PRKG1: variants seen among roughly 807,000 people sequenced by gnomAD.
The protein encoded by PRKG1 is cGMP-dependent protein kinase 1.
PRKG1 carries 35 observed loss-of-function variants against 88.1 expected under a neutral mutation model. The observed-to-expected ratio is 0.40, with a 90% confidence interval of 0.30 to 0.53. PRKG1 has a LOEUF of 0.53. PRKG1 is among the 20% of genes least tolerant of loss of function. The pLI is 0.59. For synonymous variants in PRKG1, 303 were observed against 292.5 expected (o/e 1.04, Z -0.37); for missense variants, 540 against 839.8 (o/e 0.64, Z 4.41).
intron 1 of PRKG1, among the ~76,000 whole-genome samples, chr10:51,127,654 C>T (rs192958802): frequency 2.0e-5 from 3 of 152,266 alleles, no homozygotes; most frequent in Admixed American, 1.3e-4. Context: ...AAGACAAATG[C>T]ACACATATGT....
intron 1 of PRKG1, among the ~76,000 whole-genome samples, chr10:51,011,752 T>C (rs184589185): frequency 4.8e-4 from 73 of 152,318 alleles, no homozygotes; most frequent in African/African-American, 1.7e-3. Context: ...CTGGGTTCAG[T>C]TGTGGTTACT....
chr10:51,916,730 A>C (rs186669172), intron 5 of PRKG1, among the ~76,000 whole-genome samples: 1 of 152,332 alleles, frequency 6.6e-6, no homozygotes, highest in East Asian at 1.9e-4. Context: ...AAAGGTTGAT[A>C]GCATTATTAT....
At chr10:51,352,950 C>T (rs1387310224) in intron 2 of PRKG1, among the ~76,000 whole-genome samples, 1 of 151,362 alleles carries the variant, frequency 6.6e-6, no homozygotes, top group Non-Finnish European at 1.5e-5. Context: ...AAAACAGACA[C>T]AAAGACCAAC....
At chr10:52,280,117 T>G (rs1467469180) in intron 12 of PRKG1, among the ~76,000 whole-genome samples, 3 of 152,110 alleles carry the variant, frequency 2.0e-5, no homozygotes, top group Non-Finnish European at 4.4e-5. Flanking sequence ...TCTAGTTACT[T>G]TTTTCTTTGT....
intron 5 of PRKG1, among the ~76,000 whole-genome samples, chr10:51,918,394 T>A (rs561538315): frequency 6.6e-6 from 1 of 151,968 alleles, no homozygotes; most frequent in Non-Finnish European, 1.5e-5. Flanking sequence ...GCATTTTAAA[T>A]TTGTTGTGAC....
intron 5 of PRKG1, among the ~76,000 whole-genome samples, chr10:51,932,907 T>G (rs1028728574): frequency 1.3e-5 from 2 of 152,170 alleles, no homozygotes; most frequent in Non-Finnish European, 2.9e-5. Flanking sequence ...ATGTATCTTA[T>G]TCTTTTTATA....
chr10:52,053,279 A>G (rs1846033881), intron 5 of PRKG1, among the ~76,000 whole-genome samples: 3 of 151,934 alleles, frequency 2.0e-5, no homozygotes, highest in Non-Finnish European at 4.4e-5. Context: ...ACTTTTGAGT[A>G]AAAAAACTAG....
chr10:51,583,067 A>G lies in PRKG1; in HGVS notation c.592+115231A>G, dbSNP rs945907336. On this transcript the variant is annotated intron_variant, in intron 3 of 17. Transcript: ENST00000373980. ...TTACATAGTAGTGTATCTAATTGTC[A>G]TATGTAAAATACTTTATAGATAAAA... Among the ~76,000 whole-genome samples, 3 of 152,176 alleles carry G rather than the reference A, an allele frequency of 2.0e-5. No individual in the cohort carries two copies. The East Asian group carries it at 5.8e-4, about 29-fold the overall frequency.
At chr10:51,748,465 G>A (rs1837636272) in intron 3 of PRKG1, among the ~76,000 whole-genome samples, 1 of 152,090 alleles carries the variant, frequency 6.6e-6, no homozygotes, top group Non-Finnish European at 1.5e-5. Context: ...GCATCCTAAG[G>A]CAATAATTGT....
At chr10:52,015,854 G>A (rs967339290) in intron 5 of PRKG1, among the ~76,000 whole-genome samples, 2 of 152,170 alleles carry the variant, frequency 1.3e-5, no homozygotes, top group Admixed American at 6.5e-5. Flanking sequence ...GGGCAGGGGC[G>A]AAATGCTGCC....
In PRKG1 at chr10:51,825,551, C is replaced by T. The variant is rs1433062035; in HGVS notation, c.698+20861C>T. On this transcript the variant is annotated intron_variant, in intron 4 of 17. Coordinates refer to ENST00000373980, the MANE Select transcript of PRKG1 (RefSeq NM_006258.4). ...CAGTACAGAGATGGGAAAATTTAGT[C>T]GATGATGCCTTTAGAGAGTCCGTGG... Among the ~76,000 whole-genome samples, 8 of 152,082 alleles carry T rather than the reference C, an allele frequency of 5.3e-5. No individual in the cohort carries two copies. The South Asian group carries it at 1.0e-3, about 20-fold the overall frequency.
At chr10:51,417,620 G>A (rs1029747751) in intron 2 of PRKG1, among the ~76,000 whole-genome samples, 2 of 152,260 alleles carry the variant, frequency 1.3e-5, no homozygotes, top group African/African-American at 4.8e-5. Context: ...TAGTAGGACC[G>A]AGTCTTTTAT....
rs572480671 is a variant in PRKG1 at position 52,103,953 on chromosome 10, G to A, written c.936-29887G>A. 9.4e-5 allele frequency among the ~76,000 whole-genome samples: 14 copies of A among 149,642 alleles called. No individual in the cohort carries two copies. In the South Asian group the frequency reaches 2.5e-3, roughly 27 times the overall value. ...GAAATTAAAATCAGCCCTTAATTCT[G>A]TGACCAAATGAGCTCTCTTCTATTA... On this transcript the variant is annotated intron_variant, in intron 7 of 17. Coordinates refer to ENST00000373980, the MANE Select transcript of PRKG1 (RefSeq NM_006258.4).
At chr10:51,080,545 G>T (rs1302355435) in intron 1 of PRKG1, among the ~76,000 whole-genome samples, 7 of 152,128 alleles carry the variant, frequency 4.6e-5, no homozygotes, top group Non-Finnish European at 8.8e-5. Context: ...AGGTGCTGCA[G>T]CCCATCCCAA....
At chr10:51,518,594 G>A (rs1841655861) in intron 3 of PRKG1, among the ~76,000 whole-genome samples, 1 of 152,154 alleles carries the variant, frequency 6.6e-6, no homozygotes, top group Admixed American at 6.5e-5. Context: ...GAGAATCCGG[G>A]AAAACAGATC....
intron 3 of PRKG1, among the ~76,000 whole-genome samples, chr10:51,620,725 G>A (rs1008925692): frequency 6.6e-6 from 1 of 151,934 alleles, no homozygotes; most frequent in Non-Finnish European, 1.5e-5. Flanking sequence ...TAATCCTCAC[G>A]ATGACTTTAT....
chr10:51,519,776 C>G (rs535336045), intron 3 of PRKG1, among the ~76,000 whole-genome samples: 1 of 152,176 alleles, frequency 6.6e-6, no homozygotes, highest in African/African-American at 2.4e-5. Context: ...ACTCAATCAC[C>G]TTTCTTTTAT....
chr10:52,182,459 T>C (rs903764361), intron 9 of PRKG1, among the ~76,000 whole-genome samples: 1 of 52,308 alleles, frequency 1.9e-5, no homozygotes, highest in Non-Finnish European at 3.5e-5. Context: ...TTTGTCAATT[T>C]TGGCTTTTGT....
At chr10:51,348,324 G>A (rs1047114995) in intron 2 of PRKG1, among the ~76,000 whole-genome samples, 8 of 151,990 alleles carry the variant, frequency 5.3e-5, no homozygotes, top group Non-Finnish European at 1.0e-4. Flanking sequence ...TTTGATCTCT[G>A]TTAGCCCGTC....
Sources: gnomAD v4.1 joint callset for allele counts (sites outside exome capture counted in the v4.1 genomes callset) on GRCh38, gnomAD v4.1.1 for gene constraint, MANE v1.5 for transcripts, NCBI Gene and HGNC (gene_info 2026-07-23, HGNC 2026-07-21) for gene names.